The following ZNF385D variants were observed in gnomAD, a reference collection of about 807,000 sequenced individuals.
ZNF385D encodes zinc finger protein 659.
A neutral mutation model predicts 35.8 loss-of-function variants in ZNF385D; 15 were observed. The ratio of observed to expected loss-of-function variants is 0.42; its 90% CI spans 0.28 to 0.64. The LOEUF (loss-of-function observed/expected upper bound fraction) is 0.64. ZNF385D is among the 30% of genes least tolerant of loss of function. ZNF385D has a pLI of 0.23. For missense variants in ZNF385D, 474 were observed against 494.6 expected (o/e 0.96, Z 0.39); for synonymous variants, 212 against 186.8 (o/e 1.13, Z -1.10).
intron 3 of ZNF385D, among the ~76,000 whole-genome samples, chr3:21,862,297 T>TC (rs1351288312): frequency 6.6e-6 from 1 of 151,712 alleles, no homozygotes; most frequent in African/African-American, 2.4e-5. Context: ...TCTCTACTTT[T>TC]TTTTTTTTTT....
chr3:22,162,229 G>C (rs1047302364), intron 3 of ZNF385D, among the ~76,000 whole-genome samples: 11 of 152,062 alleles, frequency 7.2e-5, no homozygotes, highest in Admixed American at 7.2e-4. Context: ...AAGGAAACCA[G>C]AATATTTTAC....
chr3:21,595,023 G>A (rs1488458565), intron 2 of ZNF385D, among the ~76,000 whole-genome samples: 1 of 152,154 alleles, frequency 6.6e-6, no homozygotes. Context: ...GCATTAACGA[G>A]TTGTGACATT....
intron 3 of ZNF385D, among the ~76,000 whole-genome samples, chr3:22,153,622 C>A (rs2125724791): frequency 6.6e-6 from 1 of 151,982 alleles, no homozygotes; most frequent in South Asian, 2.1e-4. Flanking sequence ...CACCACTATA[C>A]CCTGATGATT....
intron 3 of ZNF385D, chr3:21,849,522 T>A (rs889684492): frequency 5.9e-5 from 9 of 151,608 alleles, no homozygotes; most frequent in Non-Finnish European, 1.2e-4. Context: ...ATCACAATAA[T>A]TAAAGAATAT....
intron 4 of ZNF385D, among the ~76,000 whole-genome samples, chr3:21,477,214 A>G (rs1418537195): frequency 6.6e-6 from 1 of 152,122 alleles, no homozygotes; most frequent in Non-Finnish European, 1.5e-5. Flanking sequence ...TGAGGTTTCT[A>G]TAGCAAGACC....
chr3:22,281,367 T>C (rs539744547), intron 2 of ZNF385D, among the ~76,000 whole-genome samples: 1 of 152,258 alleles, frequency 6.6e-6, no homozygotes, highest in South Asian at 2.1e-4. Flanking sequence ...ATGTGGGCTA[T>C]GGGTTTGTAA....
chr3:21,830,412 T>C (rs1185510566), intron 3 of ZNF385D, among the ~76,000 whole-genome samples: 1 of 152,196 alleles, frequency 6.6e-6, no homozygotes, highest in Non-Finnish European at 1.5e-5. Context: ...AGAGTAGACA[T>C]GCATAGATTT....
At chr3:21,484,281 A>G (rs1704861923) in intron 4 of ZNF385D, among the ~76,000 whole-genome samples, 1 of 152,130 alleles carries the variant, frequency 6.6e-6, no homozygotes, top group Admixed American at 6.5e-5. Flanking sequence ...CTAGGGTGCC[A>G]GTAGAAGTGG....
chr3:22,273,380 T>C (rs1299360637), intron 2 of ZNF385D, among the ~76,000 whole-genome samples: 1 of 152,020 alleles, frequency 6.6e-6, no homozygotes, highest in Non-Finnish European at 1.5e-5. Flanking sequence ...CCAGGACAGT[T>C]GTTCTCAGTC....
intron 2 of ZNF385D, among the ~76,000 whole-genome samples, chr3:22,354,520 G>A (rs1696061177): frequency 6.6e-6 from 1 of 151,746 alleles, no homozygotes; most frequent in African/African-American, 2.4e-5. Context: ...TGAATAGATT[G>A]TATTCATTTA....
chr3:21,605,922 G>A (rs2064465423), intron 2 of ZNF385D, among the ~76,000 whole-genome samples: 1 of 152,044 alleles, frequency 6.6e-6, no homozygotes, highest in South Asian at 2.1e-4. Context: ...AATAATCCAT[G>A]AACACAGGAA....
intron 2 of ZNF385D, among the ~76,000 whole-genome samples, chr3:22,193,471 T>C (rs1452594576): frequency 1.3e-5 from 2 of 151,992 alleles, no homozygotes; most frequent in Non-Finnish European, 2.9e-5. Context: ...ATAGGATGCA[T>C]GAGATCTAAG....
At chr3:21,634,614 T>C (rs1477246118) in intron 2 of ZNF385D, among the ~76,000 whole-genome samples, 1 of 152,068 alleles carries the variant, frequency 6.6e-6, no homozygotes, top group Non-Finnish European at 1.5e-5. Flanking sequence ...GATGCACTTA[T>C]TTTCTAAGGA....
intron 3 of ZNF385D, among the ~76,000 whole-genome samples, chr3:21,797,350 T>G (rs1409898890): frequency 6.6e-6 from 1 of 152,178 alleles, no homozygotes; most frequent in Non-Finnish European, 1.5e-5. Context: ...AAACATTGGC[T>G]AGGATGTGAA....
chr3:21,855,505 T>C (rs1225658478), intron 3 of ZNF385D, among the ~76,000 whole-genome samples: 10 of 152,040 alleles, frequency 6.6e-5, no homozygotes, highest in African/African-American at 2.4e-5. Context: ...CTAGATTCCA[T>C]TGCTTTCCTA....
At chr3:22,020,922 C>T (rs1002737934) in intron 3 of ZNF385D, among the ~76,000 whole-genome samples, 1 of 151,878 alleles carries the variant, frequency 6.6e-6, no homozygotes, top group East Asian at 1.9e-4. Flanking sequence ...GGCATATATA[C>T]ACAAGGGAAT....
chr3:21,711,038 A>ATTTTTTTTTTTTTTTT (rs562190313), intron 1 of ZNF385D, among the ~76,000 whole-genome samples: 4 of 55,830 alleles, frequency 7.2e-5, no homozygotes, highest in Admixed American at 2.0e-4. Context: ...TCCCTCTAAA[A>ATTTTTTTTTTTTTTTT]GTTTTTTTTT....
chr3:21,790,424 A>G (rs1305876067), intron 3 of ZNF385D, among the ~76,000 whole-genome samples: 8 of 152,174 alleles, frequency 5.3e-5, no homozygotes, highest in Admixed American at 2.0e-4. Flanking sequence ...TCTGTTGGTG[A>G]TAAGATTTGG....
At chr3:21,701,910 C>G (rs192684046) in intron 1 of ZNF385D, among the ~76,000 whole-genome samples, 3 of 152,168 alleles carry the variant, frequency 2.0e-5, no homozygotes, top group Non-Finnish European at 4.4e-5. Flanking sequence ...TGAGCAGCCC[C>G]GTCTCTATGG....
Sources: gnomAD v4.1 joint callset for allele counts (sites outside exome capture counted in the v4.1 genomes callset) on GRCh38, gnomAD v4.1.1 for gene constraint, MANE v1.5 for transcripts, NCBI Gene and HGNC (gene_info 2026-07-23, HGNC 2026-07-21) for gene names.